The following CEP57L1 variants were observed in gnomAD, a reference collection of about 807,000 sequenced individuals.
CEP57L1 encodes centrosomal protein 57 like 1.
A neutral mutation model predicts 61.0 loss-of-function variants in CEP57L1; 37 were observed. The ratio of observed to expected loss-of-function variants is 0.61; its 90% CI spans 0.47 to 0.80. The LOEUF (loss-of-function observed/expected upper bound fraction) is 0.80. Ranked by LOEUF, CEP57L1 falls within the 30% of genes least tolerant of loss-of-function variation. The pLI is 0.00. For missense variants in CEP57L1, 422 were observed against 524.7 expected, an observed-to-expected ratio of 0.80 and a Z score of 1.91; for synonymous variants, 137 against 162.3, an observed-to-expected ratio of 0.84 and a Z score of 1.19.
chr6:109,100,791 T>C (rs1372006647), intron 1 of CEP57L1, among the ~76,000 whole-genome samples: 7 of 151,930 alleles, frequency 4.6e-5, no homozygotes, highest in African/African-American at 1.7e-4. Context: ...CATTGTTTAA[T>C]TCAGAGTTCT....
rs977889975 is a variant in CEP57L1, at chr6:109,169,305, A to G, written c.*6335A>G. On this transcript the variant is annotated 3_prime_UTR_variant, in exon 11 of 11. Transcript: ENST00000517392. The stretch of plus-strand genomic sequence containing the variant: ...TTATGTTTTGTGAAACTTTGTGAGT[A>G]CGGGTTGTCATTTTTAATGTAGCCC... Among the ~76,000 whole-genome samples the G allele has an allele frequency of 3.3e-5, 5 of 151,792 alleles. No homozygotes were observed. Among genetic ancestry groups the G allele is most frequent in the Admixed American group, 3.3e-4 (5 of 15,236 alleles).
chr6:109,162,716 T>G, intron 10 of CEP57L1, 33 bp from the exon 11 acceptor site: 1 of 1,364,634 alleles, frequency 7.3e-7, no homozygotes, highest in Non-Finnish European at 1.0e-6. Context: ...AGTATATTTT[T>G]GACTAAAATG....
Position 109,159,478 on chromosome 6 carries a change from C to CA in CEP57L1, c.1016+16_1016+17insA. The CA allele has an allele frequency of 8.0e-7, 1 of 1,243,324 alleles. No homozygotes were observed. Among genetic ancestry groups the CA allele is most frequent in the Non-Finnish European group, 1.1e-6 (1 of 906,924 alleles). The allele number at this position is 1,243,324 out of a possible 1,614,324, so 77.0% of individuals were successfully genotyped here. ...AAATGAGCATGTAAGTATTTATATT[C>CA]TTTTTTTTTTTCAAGAGACAGTGTC... On this transcript the variant is annotated intron_variant, in intron 9 of 10. Transcript: ENST00000517392.
At chr6:109,136,672 A>T (rs1000189311) in intron 1 of CEP57L1, among the ~76,000 whole-genome samples, 1 of 151,362 alleles carries the variant, frequency 6.6e-6, no homozygotes, top group Admixed American at 6.6e-5. Flanking sequence ...TTCAGTTTGA[A>T]CCAAAGAAGT....
At chr6:109,148,201 C>T (rs1021720271) in intron 3 of CEP57L1, among the ~76,000 whole-genome samples, 1 of 151,872 alleles carries the variant, frequency 6.6e-6, no homozygotes, top group Non-Finnish European at 1.5e-5. Context: ...ATGTGCCATG[C>T]TGGTGTGCTG....
At chr6:109,162,512 A>C (rs1171107217) in intron 10 of CEP57L1, among the ~76,000 whole-genome samples, 3 of 151,914 alleles carry the variant, frequency 2.0e-5, no homozygotes, top group Non-Finnish European at 4.4e-5. Context: ...GCTTTTTTTC[A>C]CTAATAGGAG....
chr6:109,138,447 G>T (rs1278533892), intron 1 of CEP57L1, among the ~76,000 whole-genome samples: 1 of 152,080 alleles, frequency 6.6e-6, no homozygotes, highest in African/African-American at 2.4e-5. Flanking sequence ...CAAAAATTTT[G>T]ATATTATAAA....
chr6:109,120,947 C>T (rs2114696704), intron 1 of CEP57L1, among the ~76,000 whole-genome samples: 1 of 136,308 alleles, frequency 7.3e-6, no homozygotes, highest in East Asian at 2.0e-4. Flanking sequence ...CACACACACA[C>T]ACACACACAC....
intron 1 of CEP57L1, among the ~76,000 whole-genome samples, chr6:109,137,292 C>G (rs1039955700): frequency 6.6e-6 from 1 of 151,830 alleles, no homozygotes; most frequent in Non-Finnish European, 1.5e-5. Context: ...TCATGACTTT[C>G]AAAACATAAG....
At chr6:109,126,651 A>G (rs1431476470) in intron 1 of CEP57L1, among the ~76,000 whole-genome samples, 1 of 152,206 alleles carries the variant, frequency 6.6e-6, no homozygotes, top group South Asian at 2.1e-4. Context: ...CTTAGACATT[A>G]TATGTTCTAA....
rs1208402973 is a variant in CEP57L1, at chr6:109,171,713, A to G, written c.*8743A>G. ...TAGGAGGACAGGCTTATCAAATTAA[A>G]AAATGAAAAAACCTACAAAATTACC... On this transcript the variant is annotated 3_prime_UTR_variant, in exon 11 of 11. Coordinates refer to ENST00000517392, the MANE Select transcript of CEP57L1 (RefSeq NM_001271852.3). Among the ~76,000 whole-genome samples the G allele has an allele frequency of 6.6e-6, 1 of 152,256 alleles. No homozygotes were observed. Among genetic ancestry groups the G allele is most frequent in the African/African-American group, 2.4e-5 (1 of 41,474 alleles).
intron 1 of CEP57L1, among the ~76,000 whole-genome samples, chr6:109,105,624 C>G (rs1250700137): frequency 6.6e-6 from 1 of 152,076 alleles, no homozygotes; most frequent in African/African-American, 2.4e-5. Context: ...TCTTTTTGTT[C>G]TTTTTCACAG....
At chr6:109,140,068 A>G (rs941231687) in intron 1 of CEP57L1, among the ~76,000 whole-genome samples, 10 of 152,100 alleles carry the variant, frequency 6.6e-5, no homozygotes, top group African/African-American at 2.4e-4. Flanking sequence ...ACTGCTTTTC[A>G]TTGATTATTA....
chr6:109,160,471 T>C, intron 9 of CEP57L1, 101 bp from the exon 10 acceptor site: 1 of 921,372 alleles, frequency 1.1e-6, no homozygotes, highest in South Asian at 1.6e-5. Flanking sequence ...AATATTTAAC[T>C]CTGACTAAAA....
At chr6:109,122,875 T>C (rs1265665524) in intron 1 of CEP57L1, among the ~76,000 whole-genome samples, 1 of 152,196 alleles carries the variant, frequency 6.6e-6, no homozygotes, top group Non-Finnish European at 1.5e-5. Context: ...AGAATTTGCT[T>C]ACTCTTATTG....
At chr6:109,138,047 A>T (rs1246916675) in intron 1 of CEP57L1, among the ~76,000 whole-genome samples, 1 of 152,178 alleles carries the variant, frequency 6.6e-6, no homozygotes, top group African/African-American at 2.4e-5. Flanking sequence ...AGCATGTTTG[A>T]CTATTACAGA....
intron 1 of CEP57L1, among the ~76,000 whole-genome samples, chr6:109,138,671 A>G (rs1771007195): frequency 6.6e-6 from 1 of 152,168 alleles, no homozygotes; most frequent in Non-Finnish European, 1.5e-5. Flanking sequence ...ATTGTTCCTT[A>G]AAGGGAGTTT....
chr6:109,096,069 G>C (rs1247126309), intron 1 of CEP57L1, among the ~76,000 whole-genome samples: 1 of 152,162 alleles, frequency 6.6e-6, no homozygotes, highest in Non-Finnish European at 1.5e-5. Context: ...TAAGGATACA[G>C]CAGGAAAAAG....
chr6:109,125,509 C>T lies in CEP57L1; in HGVS notation c.-3-19710C>T, dbSNP rs562651518. On this transcript the variant is annotated intron_variant, in intron 1 of 10. Transcript: ENST00000517392. Reference sequence around the variant, plus strand: ...TTTAAATGCTATATATATATATATACATATATATATATATATTTTTTTTTT... The same window carrying T: ...TTTAAATGCTATATATATATATATATATATATATATATATATTTTTTTTTT... 5.2e-4 allele frequency among the ~76,000 whole-genome samples: 72 copies of T among 138,204 alleles called. 1 individual carries two copies. The highest frequency in any genetic ancestry group is 1.9e-3 in the African/African-American group (68 of 35,958). 90.7% of individuals were successfully genotyped at this position (138,204 alleles called of 152,430 possible).
Sources: gnomAD v4.1 joint callset for allele counts (sites outside exome capture counted in the v4.1 genomes callset) on GRCh38, gnomAD v4.1.1 for gene constraint, MANE v1.5 for transcripts, NCBI Gene and HGNC (gene_info 2026-07-23, HGNC 2026-07-21) for gene names.